Variants in GFM1 observed in about 807,000 individuals in gnomAD.
The protein encoded by GFM1 is elongation factor G, mitochondrial.
GFM1 carries 62 observed loss-of-function variants against 96.2 expected under a neutral mutation model. The ratio of observed to expected loss-of-function variants is 0.64; its 90% CI spans 0.53 to 0.80. GFM1 has a LOEUF of 0.80. GFM1 is among the 30% of genes least tolerant of loss of function. The pLI is 0.00. For synonymous variants in GFM1, 282 were observed against 312.9 expected (o/e 0.90, Z 1.04); for missense variants, 852 against 916.6 (o/e 0.93, Z 0.91).
intron 5 of GFM1, chr3:158,650,310 C>A: frequency 2.1e-6 from 1 of 486,080 alleles, no homozygotes; most frequent in African/African-American, 1.9e-5. Flanking sequence ...CAACTAGTTA[C>A]AACTAGGCAG....
In GFM1 at chr3:158,666,771, G is replaced by A. The variant is rs372506099; in HGVS notation, c.1601+385G>A. On this transcript the variant is annotated intron_variant, in intron 13 of 17. Transcript: ENST00000486715. ...TGCAAGTGAAGAAAATTAATGCCAT[G>A]ATAAAATTCAGAAAACATTTAGGAA... 26 of 1,586,414 alleles carry A rather than the reference G, an allele frequency of 1.6e-5. No individual in the cohort carries two copies. In the African/African-American group the frequency reaches 3.4e-4, roughly 21 times the overall value.
chr3:158,644,813 C>T, intron 1 of GFM1, 98 bp downstream of exon 1: 1 of 990,358 alleles, frequency 1.0e-6, no homozygotes, highest in Non-Finnish European at 1.6e-6. Flanking sequence ...GTCCTCATGA[C>T]TGACAGCTCC....
At chr3:158,651,963 C>A (rs1576731598) in intron 5 of GFM1, 133 bp from the exon 6 acceptor site, 3 of 724,998 alleles carry the variant, frequency 4.1e-6, no homozygotes, top group Admixed American at 2.2e-5. Flanking sequence ...GTCTTATTTG[C>A]CATTTGAATG....
intron 6 of GFM1, 143 bp from the exon 7 acceptor site, chr3:158,653,167 T>C: frequency 1.6e-6 from 1 of 642,814 alleles, no homozygotes; most frequent in Non-Finnish European, 2.7e-6. Flanking sequence ...CTTAAGTTCA[T>C]TGGAGACCTG....
chr3:158,653,151 T>C (rs1483101136), intron 6 of GFM1, among the ~76,000 whole-genome samples, 159 bp from the exon 7 acceptor site: 1 of 152,152 alleles, frequency 6.6e-6, no homozygotes, highest in Admixed American at 6.5e-5. Context: ...TTCTTTGTAT[T>C]TTGACCTTAA....
intron 8 of GFM1, among the ~76,000 whole-genome samples, chr3:158,655,582 T>G (rs1484939042): frequency 1.3e-5 from 2 of 152,144 alleles, no homozygotes; most frequent in Non-Finnish European, 2.9e-5. Context: ...AAAAATTATG[T>G]TGAAATGCCT....
intron 1 of GFM1, chr3:158,644,925 C>A (rs562686064): frequency 9.6e-6 from 5 of 518,974 alleles, no homozygotes; most frequent in African/African-American, 5.9e-5. Flanking sequence ...AGGGTTTAAT[C>A]AACTAAAAGT....
At chr3:158,656,479 A>G (rs1485269905) in intron 8 of GFM1, 1 of 152,516 alleles carries the variant, frequency 6.6e-6, no homozygotes. Flanking sequence ...TGCTAACCTC[A>G]ATCACCACAC....
At chr3:158,690,813 C>T (rs1237270245) in intron 16 of GFM1, among the ~76,000 whole-genome samples, 3 of 152,210 alleles carry the variant, frequency 2.0e-5, no homozygotes, top group Non-Finnish European at 4.4e-5. Flanking sequence ...GTCGTATTCA[C>T]ATTTTCTCAG....
Position 158,685,961 on chromosome 3 carries a change from T to G in GFM1, c.1909+1293T>G, listed in dbSNP as rs183260055. 7.2e-3 allele frequency among the ~76,000 whole-genome samples: 1,093 copies of G among 152,124 alleles called. 75 individuals carry two copies. Among genetic ancestry groups the G allele is most frequent in the Admixed American group, 0.069 (1,057 of 15,242 alleles). On this transcript the variant is annotated intron_variant, in intron 15 of 17. Transcript: ENST00000486715. ...TGATTGTTCTATGCTGGTTCTTTAC[T>G]GGAAATTGGTAGCTTTCCTGGAAAT... is the stretch of plus-strand genomic sequence containing the variant.
At chr3:158,690,883 A>G (rs1418546031) in intron 16 of GFM1, among the ~76,000 whole-genome samples, 3 of 152,244 alleles carry the variant, frequency 2.0e-5, no homozygotes, top group Admixed American at 2.0e-4. Context: ...TGAGGAGGGA[A>G]GGCTGTCAAT....
At chr3:158,665,566 AC>A (rs1457096293) in intron 12 of GFM1, 92 bp downstream of exon 12, 9 of 1,141,886 alleles carry the variant, frequency 7.9e-6, no homozygotes, top group African/African-American at 1.5e-5. Context: ...TCTGTAACTA[AC>A]TCTGGTTCTT....
At chr3:158,669,157 T>C in intron 13 of GFM1, 1 of 1,592,352 alleles carries the variant, frequency 6.3e-7, no homozygotes, top group Non-Finnish European at 8.6e-7. Flanking sequence ...ATTTATATGA[T>C]AATCATATAT....
At chr3:158,684,416 A>G in intron 14 of GFM1, 108 bp from the exon 15 acceptor site, 3 of 1,092,646 alleles carry the variant, frequency 2.7e-6, no homozygotes, top group Non-Finnish European at 4.2e-6. Flanking sequence ...GGTGAAATAC[A>G]GCACACATAA....
chr3:158,689,280 C>T (rs947990037), intron 15 of GFM1, among the ~76,000 whole-genome samples: 7 of 152,036 alleles, frequency 4.6e-5, no homozygotes, highest in Admixed American at 1.3e-4. Context: ...CAATCTAGTC[C>T]GGAATCCTTA....
At chr3:158,684,731 G>C in intron 15 of GFM1, 63 bp downstream of exon 15, 1 of 1,556,722 alleles carries the variant, frequency 6.4e-7, no homozygotes, top group South Asian at 1.1e-5. Flanking sequence ...AGCCTCAGAA[G>C]GCAACACTGT....
At chr3:158,670,942 A>AGAAAAAG in intron 13 of GFM1, 1 of 1,533,630 alleles carries the variant, frequency 6.5e-7, no homozygotes, top group Non-Finnish European at 8.8e-7. Context: ...CAAAGAAAAA[A>AGAAAAAG]GAAATTTAAC....
At chr3:158,653,244 G>A in intron 6 of GFM1, 66 bp from the exon 7 acceptor site, 1 of 1,265,416 alleles carries the variant, frequency 7.9e-7, no homozygotes, top group South Asian at 1.2e-5. Context: ...TCATTTGTTT[G>A]TAGTTGACTT....
At position 158,645,660 on chromosome 3, in the gene GFM1, CA is replaced by C. The variant is rs866873846; in HGVS notation, c.114del (p.Val40Ter). On this transcript the variant is annotated frameshift_variant, in exon 2 of 18. Transcript: ENST00000486715. LOFTEE classifies it high-confidence loss of function. The part of the protein sequence containing the change: ...VNWKACRWSS[S>X]GVIPNEKIRN... ...TGGAAGGCCTGCCGATGGTCTTCAT[CA>C]GGGGTGATTCCTAATGAAAAAATAC... is the stretch of plus-strand genomic sequence containing the variant. The C allele has an allele frequency of 5.6e-6, 9 of 1,611,148 alleles. No homozygotes were observed. The highest frequency in any genetic ancestry group is 5.3e-5 in the African/African-American group (4 of 74,852).
Sources: allele counts gnomAD v4.1 joint callset (sites outside exome capture counted in the v4.1 genomes callset), GRCh38; gene constraint gnomAD v4.1.1; transcripts MANE v1.5; gene names NCBI Gene and HGNC (gene_info 2026-07-23, HGNC 2026-07-21).